KMT2C: variants seen among roughly 807,000 people sequenced by gnomAD.
KMT2C encodes histone-lysine N-methyltransferase 2C.
In KMT2C, 88 loss-of-function variants were observed where a neutral mutation model predicts 507.9. That is an observed-to-expected ratio of 0.17 (90% CI 0.15 to 0.21). The LOEUF is 0.21. Among genes scored for constraint, KMT2C ranks in the 10% least tolerant of loss-of-function variants. The probability of loss-of-function intolerance (pLI) is 1.00; values close to 1 mark genes in which losing one functional copy is unlikely to be tolerated. For missense variants in KMT2C, 4,954 were observed against 5,957.8 expected, an observed-to-expected ratio of 0.83 and a Z score of 5.55; for synonymous variants, 2,049 against 2,080.8, an observed-to-expected ratio of 0.98 and a Z score of 0.42.
intron 1 of KMT2C, among the ~76,000 whole-genome samples, chr7:152,386,990 A>G (rs2097434715): frequency 6.6e-6 from 1 of 152,218 alleles, no homozygotes; most frequent in Non-Finnish European, 1.5e-5. Context: ...ATTCCTTAAA[A>G]TATCACTTTA....
At chr7:152,166,640 A>AGTATTT (rs2092741145) in intron 42 of KMT2C, among the ~76,000 whole-genome samples, 1 of 152,226 alleles carries the variant, frequency 6.6e-6, no homozygotes, top group African/African-American at 2.4e-5. Flanking sequence ...CACATAAGAC[A>AGTATTT]TACCAATGTA....
intron 16 of KMT2C, among the ~76,000 whole-genome samples, chr7:152,231,410 A>G (rs1252382935): frequency 6.6e-6 from 1 of 152,308 alleles, no homozygotes; most frequent in African/African-American, 2.4e-5. Context: ...CTGGAAAGAC[A>G]GAGTTGAAAC....
chr7:152,252,700 T>A lies in KMT2C; in HGVS notation c.1315A>T (p.Ile439Leu). Residue 439 changes from isoleucine (I) to leucine (L), a missense_variant, in exon 10 of 59, where the codon ATA (isoleucine) becomes TTA (leucine). Transcript: ENST00000262189. ...GAACTAGACCGTGTGCCACACTCTA[T>A]ACATATTCTGCAATTCTAAACACCA... ...GWKCKNCRIC[I>L]ECGTRSSSQW... 6.2e-7 allele frequency: 1 copy of A among 1,601,206 alleles called. No homozygotes were observed. The highest frequency in any genetic ancestry group is 8.5e-7 in the Non-Finnish European group (1 of 1,171,974).
rs573520726 is a variant in KMT2C, at chr7:152,237,502, G to T, written c.2652+1205C>A. On this transcript the variant is annotated intron_variant, in intron 15 of 58. Coordinates refer to ENST00000262189, the MANE Select transcript of KMT2C (RefSeq NM_170606.3). ...GGTTAGTTTTTTGGGGGTTTTTTTT[G>T]TTTGTTTATTTTTGAGATGGAGTCT... Among the ~76,000 whole-genome samples, 293 of 149,728 alleles carry T rather than the reference G, an allele frequency of 2.0e-3. 1 individual carries two copies. The highest frequency in any genetic ancestry group is 7.1e-3 in the African/African-American group (279 of 39,276).
rs1259070282 is a variant in KMT2C, at chr7:152,148,573, G to T, written c.13354C>A (p.Leu4452Ile). 6 of 1,614,092 alleles carry T rather than the reference G, an allele frequency of 3.7e-6. No individual in the cohort carries two copies. Among genetic ancestry groups the T allele is most frequent in the Admixed American group, 3.3e-5 (2 of 60,004 alleles). ...ATTTGTAGGCCTCTCCTCAGAGCTAGCTCCACATTTATTAAGGCACCAGCC... is the reference window on the plus strand; with the variant it reads ...ATTTGTAGGCCTCTCCTCAGAGCTATCTCCACATTTATTAAGGCACCAGCC... ...TQAGALINVE[L>I]ALRRGLQMKC... Residue 4452 changes from leucine to isoleucine, a missense_variant, in exon 52 of 59, where the codon CTA (leucine) becomes ATA (isoleucine). By Grantham distance (5) the Leu-to-Ile change is conservative. Transcript: ENST00000262189. The surrounding 1 kb of genome is among the most constrained non-coding windows in gnomAD (Gnocchi z 7.1).
At chr7:152,290,562 C>G (rs1276978715) in intron 6 of KMT2C, among the ~76,000 whole-genome samples, 1 of 151,444 alleles carries the variant, frequency 6.6e-6, no homozygotes, top group South Asian at 2.1e-4. Context: ...CCCGCTTCAG[C>G]CTCCCGAAGT....
chr7:152,146,533 G>C, intron 53 of KMT2C, 66 bp downstream of exon 53: 1 of 1,483,226 alleles, frequency 6.7e-7, no homozygotes, highest in South Asian at 1.2e-5. Context: ...GTTACAGCAT[G>C]TGTTCAAGTG....
Position 152,154,250 on chromosome 7 carries a change from T to A in KMT2C, c.12139+17A>T, listed in dbSNP as rs2091880553. 2 of 1,613,606 alleles carry A rather than the reference T, an allele frequency of 1.2e-6. No homozygotes were observed. The highest frequency in any genetic ancestry group is 2.7e-5 in the African/African-American group (2 of 74,908). On this transcript the variant is annotated intron_variant, in intron 47 of 58. Transcript: ENST00000262189. Reference sequence around the variant, plus strand: ...CGTAGTGTAAAGGGAAATAATAAGGTTAAGTGTTGTTCTTACTTTTCCCAG... The same window carrying A: ...CGTAGTGTAAAGGGAAATAATAAGGATAAGTGTTGTTCTTACTTTTCCCAG...
chr7:152,255,622 G>A (rs1042296999), intron 9 of KMT2C, among the ~76,000 whole-genome samples: 1 of 152,106 alleles, frequency 6.6e-6, no homozygotes, highest in Admixed American at 6.6e-5. Flanking sequence ...AACATTACCA[G>A]ATACTACAAA....
chr7:152,359,725 G>A (rs772814331), intron 1 of KMT2C, among the ~76,000 whole-genome samples: 2 of 151,928 alleles, frequency 1.3e-5, no homozygotes, highest in Non-Finnish European at 2.9e-5. Flanking sequence ...AATCAACTCA[G>A]TATTTAATTG....
chr7:152,304,697 A>G (rs1027942210), intron 6 of KMT2C, among the ~76,000 whole-genome samples: 1 of 152,042 alleles, frequency 6.6e-6, no homozygotes, highest in Non-Finnish European at 1.5e-5. Context: ...AGGTCAGCAA[A>G]TTTCATTTTT....
chr7:152,367,436 TG>T, intron 1 of KMT2C: 2 of 720,566 alleles, frequency 2.8e-6, no homozygotes, highest in Non-Finnish European at 4.8e-6. Context: ...CAGGCTGGTC[TG>T]GAACTCCTGA....
At chr7:152,222,101 T>C (rs748944909) in intron 21 of KMT2C, 35 bp from the exon 22 acceptor site, 4 of 1,455,696 alleles carry the variant, frequency 2.7e-6, no homozygotes, top group South Asian at 1.3e-5. Flanking sequence ...GTAATTCTTT[T>C]CAGAAAAGGT....
chr7:152,182,847 G>A, intron 35 of KMT2C, 127 bp downstream of exon 35: 3 of 710,210 alleles, frequency 4.2e-6, no homozygotes, highest in Non-Finnish European at 4.5e-6. Context: ...ACTGAAAAGA[G>A]AAACAAGTCT....
chr7:152,136,822 G>C lies in KMT2C; in HGVS notation c.*10C>G, dbSNP rs1294445657. ...GACAAGCCGCCCGCTGAGCTAGCAA[G>C]GAATGCATTTCAGTTCATCCACTTC... On this transcript the variant is annotated 3_prime_UTR_variant, in exon 59 of 59. Coordinates refer to ENST00000262189, the MANE Select transcript of KMT2C (RefSeq NM_170606.3). 6.2e-7 allele frequency: 1 copy of C among 1,601,016 alleles called. No individual in the cohort carries two copies. Among genetic ancestry groups the C allele is most frequent in the Admixed American group, 1.7e-5 (1 of 60,014 alleles).
At chr7:152,357,130 G>A (rs1203563341) in intron 2 of KMT2C, among the ~76,000 whole-genome samples, 1 of 151,790 alleles carries the variant, frequency 6.6e-6, no homozygotes, top group Non-Finnish European at 1.5e-5. Flanking sequence ...GGAGGCTGAG[G>A]CAGGGAGAAC....
At chr7:152,357,449 G>A (rs1563975375) in intron 2 of KMT2C, among the ~76,000 whole-genome samples, 1 of 151,840 alleles carries the variant, frequency 6.6e-6, no homozygotes, top group Non-Finnish European at 1.5e-5. Flanking sequence ...GCATGAACCT[G>A]TGAATCCAGG....
intron 3 of KMT2C, among the ~76,000 whole-genome samples, chr7:152,326,342 C>A (rs1470451216): frequency 6.6e-6 from 1 of 152,022 alleles, no homozygotes; most frequent in Admixed American, 6.6e-5. Context: ...TGTCTGTGAT[C>A]CTTAATCTTT....
chr7:152,148,046 G>A lies in KMT2C; in HGVS notation c.13881C>T (p.Asp4627=), dbSNP rs376439309. ...GGCAGACGTTACCTTTAGGTGAGAT[G>A]TCACTTAGAACCAGGTCTTCATGGC... The part of the protein sequence containing the change: ...EQGHEDLVLS[D]ISPKGVWDKI... The change falls in exon 52 of 59, where the codon GAC becomes GAT. Residue 4627 remains aspartate, a synonymous_variant. Coordinates refer to ENST00000262189, the MANE Select transcript of KMT2C (RefSeq NM_170606.3). This position sits in a 1 kb window ranked among gnomAD's most constrained non-coding sequence, Gnocchi z 7.1. 1.3e-6 allele frequency: 2 copies of A among 1,583,400 alleles called. No homozygotes were observed. Among genetic ancestry groups the A allele is most frequent in the African/African-American group, 2.7e-5 (2 of 74,274 alleles).
Sources: gnomAD v4.1 joint callset for allele counts (sites outside exome capture counted in the v4.1 genomes callset) on GRCh38, gnomAD v4.1.1 for gene constraint, Gnocchi (gnomAD v3.1) non-coding constraint, MANE v1.5 for transcripts, NCBI Gene and HGNC (gene_info 2026-07-23, HGNC 2026-07-21) for gene names.